The following CFH variants were observed in gnomAD, a reference collection of about 807,000 sequenced individuals.
The protein encoded by CFH is H factor 1 (complement).
CFH carries 53 observed loss-of-function variants against 147.3 expected under a neutral mutation model. The observed-to-expected ratio is 0.36, with a 90% confidence interval of 0.29 to 0.45. The LOEUF (loss-of-function observed/expected upper bound fraction) is 0.45. Ranked by LOEUF, CFH falls within the 20% of genes least tolerant of loss-of-function variation. The pLI, the probability that CFH is intolerant of heterozygous loss-of-function variation, is 1.00. For synonymous variants in CFH, 536 were observed against 489.4 expected (o/e 1.10, Z -1.26); for missense variants, 1,380 against 1,498.0 (o/e 0.92, Z 1.30).
chr1:196,698,279 C>T (rs1403915309), intron 9 of CFH, among the ~76,000 whole-genome samples: 1 of 151,988 alleles, frequency 6.6e-6, no homozygotes, highest in Non-Finnish European at 1.5e-5. Context: ...AAAATCAATG[C>T]ACCCAGGAGC....
At chr1:196,692,569 TTCTTTTTC>T (rs1228285837) in intron 9 of CFH, among the ~76,000 whole-genome samples, 2 of 137,374 alleles carry the variant, frequency 1.5e-5, no homozygotes, top group Admixed American at 7.8e-5. Context: ...TCTTCTTTCT[TTCTTTTTC>T]TTTCTTTCTT....
chr1:196,682,337 T>C (rs1029127282), intron 6 of CFH, among the ~76,000 whole-genome samples: 1 of 151,686 alleles, frequency 6.6e-6, no homozygotes, highest in Non-Finnish European at 1.5e-5. Context: ...TAGTCTCAAG[T>C]ATTGTTTTGG....
chr1:196,656,045 C>T (rs557771176), intron 1 of CFH, among the ~76,000 whole-genome samples: 8 of 152,294 alleles, frequency 5.3e-5, no homozygotes, highest in Non-Finnish European at 8.8e-5. Context: ...GTGGCTCACA[C>T]CTGTAATCCC....
intron 11 of CFH, among the ~76,000 whole-genome samples, chr1:196,724,129 G>A (rs561623316): frequency 6.6e-6 from 1 of 151,982 alleles, no homozygotes; most frequent in Non-Finnish European, 1.5e-5. Flanking sequence ...TGCCACAAGG[G>A]GTGTTCCTTT....
chr1:196,728,711 A>G (rs181049216), intron 15 of CFH, among the ~76,000 whole-genome samples, 189 bp downstream of exon 15: 63 of 148,030 alleles, frequency 4.3e-4, no homozygotes, highest in African/African-American at 1.5e-3. Flanking sequence ...TACCTTTAGT[A>G]TAAACACACA....
chr1:196,659,227 T>C (rs942288239), intron 1 of CFH, among the ~76,000 whole-genome samples: 5 of 152,348 alleles, frequency 3.3e-5, no homozygotes, highest in African/African-American at 1.2e-4. Flanking sequence ...TCAACTGAGC[T>C]TGAACATTCG....
rs145975787 is a variant in CFH at position 196,740,703 on chromosome 1, C to T, written c.2867C>T (p.Thr956Met). Residue 956 changes from threonine to methionine, a missense_variant, in exon 18 of 22, where the codon ACG becomes ATG. Around this residue, in one of 4 missense-constraint regions of CFH, gnomAD observed 830 missense variants for 821.4 expected, o/e 1.01. Transcript: ENST00000367429. ...AGTTATCAGTATGGAGAAGAAGTTA[C>T]GTACAAATGTTTTGAAGGTTTTGGA... ...SDSYQYGEEV[T>M]YKCFEGFGID... is the part of the protein sequence containing the mutation. The T allele has an allele frequency of 2.5e-3, 4,003 of 1,613,764 alleles. 11 individuals are homozygous for T. Among genetic ancestry groups the T allele is most frequent in the Non-Finnish European group, 3.0e-3 (3,519 of 1,179,916 alleles).
At chr1:196,680,841 A>T (rs996682521) in intron 6 of CFH, among the ~76,000 whole-genome samples, 1 of 151,944 alleles carries the variant, frequency 6.6e-6, no homozygotes, top group Non-Finnish European at 1.5e-5. Flanking sequence ...ACACTAAAAA[A>T]ATTTTGGTTT....
intron 9 of CFH, among the ~76,000 whole-genome samples, chr1:196,696,240 C>A (rs988011946): frequency 2.0e-5 from 3 of 152,026 alleles, no homozygotes; most frequent in Non-Finnish European, 4.4e-5. Flanking sequence ...CGCAAAAGAA[C>A]AAAAACCACA....
At chr1:196,675,014 C>T (rs1667407772) in intron 3 of CFH, among the ~76,000 whole-genome samples, 1 of 152,152 alleles carries the variant, frequency 6.6e-6, no homozygotes, top group Non-Finnish European at 1.5e-5. Flanking sequence ...TTTAGCCCTT[C>T]AATCATTACT....
intron 9 of CFH, among the ~76,000 whole-genome samples, chr1:196,693,683 T>C (rs958856613): frequency 6.6e-6 from 1 of 152,044 alleles, no homozygotes; most frequent in African/African-American, 2.4e-5. Context: ...GTGGATGCAC[T>C]AGACAAGAAA....
chr1:196,747,477 A>C lies in CFH; in HGVS notation c.*164A>C. On this transcript the variant is annotated 3_prime_UTR_variant, in exon 22 of 22. Transcript: ENST00000367429. ...TGAGACCGGTGGCTCTCTTCTTAAA[A>C]GCACCATATTAAATCCTGGAAAACT... 4.5e-6 allele frequency: 4 copies of C among 897,752 alleles called. No individual in the cohort carries two copies. Among genetic ancestry groups the C allele is most frequent in the Non-Finnish European group, 7.0e-6 (4 of 574,904 alleles). 55.6% of individuals were successfully genotyped at this position (897,752 alleles called of 1,614,324 possible). A position where few individuals can be genotyped will look rare whatever the true frequency, so the allele number is the denominator to read the frequency against.
At chr1:196,660,510 G>A (rs531946846) in intron 1 of CFH, among the ~76,000 whole-genome samples, 1 of 152,298 alleles carries the variant, frequency 6.6e-6, no homozygotes, top group Non-Finnish European at 1.5e-5. Context: ...TAGAGGACTG[G>A]AGGCTAGTTA....
rs932870764 is a variant in CFH at position 196,726,722 on chromosome 1, A to G, written c.2057-39A>G. ...ATTTTGTATCTAAAACACATACATC[A>G]TGTTTTCACAATAAACTTTTTTTGT... On this transcript the variant is annotated intron_variant, in intron 13 of 21. Coordinates refer to ENST00000367429, the MANE Select transcript of CFH (RefSeq NM_000186.4). 7 of 1,607,040 alleles carry G rather than the reference A, an allele frequency of 4.4e-6. No individual in the cohort carries two copies. In the African/African-American group the frequency reaches 6.7e-5, roughly 15 times the overall value.
rs141775902 is a variant in CFH at position 196,690,420 on chromosome 1, G to C, written c.1336+181G>C. 501 of 809,336 alleles carry C rather than the reference G, an allele frequency of 6.2e-4. 1 individual carries two copies. In the African/African-American group the frequency reaches 7.6e-3, roughly 12 times the overall value. 50.1% of individuals were successfully genotyped at this position (809,336 alleles called of 1,614,324 possible). On this transcript the variant is annotated intron_variant, in intron 9 of 21. Coordinates refer to ENST00000367429, the MANE Select transcript of CFH (RefSeq NM_000186.4). ...AATGAATATACAAATTTCTTGATAA[G>C]TACATAGTAAAATAAATTCTCCTAT...
In CFH at chr1:196,689,469, G is replaced by T. The variant is rs772347091; in HGVS notation, c.1014G>T (p.Glu338Asp). The change falls in exon 8 of 22, where the codon GAG becomes GAT. Residue 338 changes from glutamate (E) to aspartate (D), a missense_variant. Coordinates refer to ENST00000367429, the MANE Select transcript of CFH (RefSeq NM_000186.4). ...PDIKHGGLYH[E>D]NMRRPYFPVA... ...TTAAACATGGAGGTCTATATCATGA[G>T]AATATGCGTAGACCATACTTTCCAG... 1 of 1,613,370 alleles carries T rather than the reference G, an allele frequency of 6.2e-7. No individual in the cohort carries two copies. Among genetic ancestry groups the T allele is most frequent in the South Asian group, 1.1e-5 (1 of 91,082 alleles).
intron 17 of CFH, among the ~76,000 whole-genome samples, chr1:196,738,521 G>C (rs1652668414): frequency 6.6e-6 from 1 of 152,170 alleles, no homozygotes; most frequent in Non-Finnish European, 1.5e-5. Context: ...CTGAAACAAA[G>C]TGGCTATATG....
intron 11 of CFH, among the ~76,000 whole-genome samples, chr1:196,722,944 A>C (rs901122359): frequency 1.2e-4 from 19 of 152,104 alleles, no homozygotes; most frequent in Non-Finnish European, 2.5e-4. Flanking sequence ...TTTTTTAAAA[A>C]ATATTTTTAG....
intron 9 of CFH, 161 bp downstream of exon 9, chr1:196,690,400 A>T (rs1243465140): frequency 1.1e-6 from 1 of 945,844 alleles, no homozygotes; most frequent in East Asian, 2.5e-5. Flanking sequence ...GTATAAATGA[A>T]TATACAAATT....
Sources: gnomAD v4.1 joint callset for allele counts (sites outside exome capture counted in the v4.1 genomes callset) on GRCh38, gnomAD v4.1.1 for gene constraint, gnomAD v4.1.1 regional missense constraint, MANE v1.5 for transcripts, NCBI Gene and HGNC (gene_info 2026-07-23, HGNC 2026-07-21) for gene names.